CCDC192: variants seen among roughly 807,000 people sequenced by gnomAD.
The protein encoded by CCDC192 is coiled-coil domain-containing protein 192.
intron 5 of CCDC192, among the ~76,000 whole-genome samples, chr5:127,827,123 G>A (rs755046937): frequency 1.3e-5 from 2 of 152,172 alleles, no homozygotes; most frequent in African/African-American, 4.8e-5. Flanking sequence ...CAAATGTGGT[G>A]GAAGTGAGAC....
intron 6 of CCDC192, among the ~76,000 whole-genome samples, chr5:127,923,749 T>C (rs1330637910): frequency 6.6e-6 from 1 of 152,138 alleles, no homozygotes; most frequent in African/African-American, 2.4e-5. Flanking sequence ...AGGAATATGA[T>C]GGACATACAT....
chr5:127,865,141 C>T (rs1349734091), intron 5 of CCDC192, among the ~76,000 whole-genome samples: 2 of 151,704 alleles, frequency 1.3e-5, no homozygotes, highest in African/African-American at 2.4e-5. Context: ...AGCGAGATGC[C>T]GACTCAAATT....
chr5:127,884,367 A>AAAAAAAAAAAAAAAG (rs1752480698), intron 6 of CCDC192, among the ~76,000 whole-genome samples: 1 of 147,150 alleles, frequency 6.8e-6, no homozygotes, highest in Non-Finnish European at 1.5e-5. Flanking sequence ...AAAAAAAAAA[A>AAAAAAAAAAAAAAAG]AAGAAGAGGG....
intron 6 of CCDC192, among the ~76,000 whole-genome samples, chr5:127,884,616 G>A (rs1752495846): frequency 6.6e-6 from 1 of 152,054 alleles, no homozygotes; most frequent in South Asian, 2.1e-4. Context: ...CTGCGGCCAA[G>A]GCAATGGGAT....
chr5:127,782,516 G>C lies in CCDC192; in HGVS notation c.223-14587G>C, dbSNP rs185864949. ...GCTGCTTGTTATTGGTCTGTTTAGG[G>C]TATCTAATTCTTCCTGATTTAAGCT... On this transcript the variant is annotated intron_variant, in intron 3 of 6. Coordinates refer to ENST00000514853, the MANE Select transcript of CCDC192 (RefSeq NM_001317938.2). 2.1e-4 allele frequency among the ~76,000 whole-genome samples: 32 copies of C among 151,980 alleles called. No individual in the cohort carries two copies. The East Asian group carries it at 2.1e-3, about 10-fold the overall frequency.
At chr5:127,822,424 A>G (rs757318961) in intron 5 of CCDC192, among the ~76,000 whole-genome samples, 4 of 152,246 alleles carry the variant, frequency 2.6e-5, no homozygotes, top group Non-Finnish European at 4.4e-5. Flanking sequence ...AAAATAGACT[A>G]AATCTCTATC....
intron 6 of CCDC192, among the ~76,000 whole-genome samples, chr5:127,902,586 A>G (rs1251311026): frequency 1.3e-5 from 2 of 152,214 alleles, no homozygotes; most frequent in African/African-American, 4.8e-5. Context: ...TTTGGCAGTG[A>G]AAGTCAAGAG....
intron 2 of CCDC192, among the ~76,000 whole-genome samples, chr5:127,717,801 T>G (rs1240506585): frequency 1.3e-5 from 2 of 151,572 alleles, no homozygotes; most frequent in Admixed American, 1.3e-4. Context: ...TCTGCACTCC[T>G]TCATCAGCCA....
At chr5:127,918,193 G>A (rs1056153271) in intron 6 of CCDC192, among the ~76,000 whole-genome samples, 2 of 140,552 alleles carry the variant, frequency 1.4e-5, no homozygotes, top group Non-Finnish European at 3.0e-5. Flanking sequence ...CCCAATGCAG[G>A]GTTGCCAGAC....
At chr5:127,737,555 G>T (rs1358289152) in intron 2 of CCDC192, among the ~76,000 whole-genome samples, 1 of 151,464 alleles carries the variant, frequency 6.6e-6, no homozygotes, top group Non-Finnish European at 1.5e-5. Context: ...TTATTAATGT[G>T]TGGGAGTCTA....
intron 6 of CCDC192, among the ~76,000 whole-genome samples, chr5:127,909,943 G>A (rs571915800): frequency 3.9e-5 from 6 of 152,076 alleles, no homozygotes; most frequent in Non-Finnish European, 7.3e-5. Flanking sequence ...TCAAATTTCC[G>A]TATTTTCAAA....
intron 2 of CCDC192, among the ~76,000 whole-genome samples, chr5:127,731,338 A>G (rs886069221): frequency 1.3e-4 from 20 of 152,208 alleles, no homozygotes; most frequent in African/African-American, 4.8e-4. Context: ...AAGAAGAACT[A>G]CAAACTACTG....
chr5:127,808,673 G>A (rs1757925012), intron 5 of CCDC192, among the ~76,000 whole-genome samples: 2 of 152,142 alleles, frequency 1.3e-5, no homozygotes, highest in South Asian at 4.2e-4. Flanking sequence ...TCAACAACTG[G>A]CACTCATCTC....
At chr5:127,882,953 A>G (rs770469462) in intron 6 of CCDC192, among the ~76,000 whole-genome samples, 22 of 152,194 alleles carry the variant, frequency 1.4e-4, no homozygotes, top group Admixed American at 2.6e-4. Context: ...TTCTTTCACC[A>G]CTGAAAACAG....
Position 127,879,078 on chromosome 5 carries a change from G to A in CCDC192, c.535+3417G>A, listed in dbSNP as rs543907591. Among the ~76,000 whole-genome samples the A allele has an allele frequency of 1.3e-4, 20 of 151,854 alleles. No homozygotes were observed. The South Asian group carries it at 4.2e-3, about 32-fold the overall frequency. ...TTTTGTATCCTGAGACTTTGCTGAA[G>A]TTGCTTATCAGCTTAAGGAGATTTT... On this transcript the variant is annotated intron_variant, in intron 6 of 6. Transcript: ENST00000514853.
chr5:127,704,793 C>T (rs1198919078), intron 1 of CCDC192, among the ~76,000 whole-genome samples: 4 of 151,590 alleles, frequency 2.6e-5, no homozygotes, highest in Non-Finnish European at 5.9e-5. Context: ...AAGCCTAGAT[C>T]GCGACACTGC....
At chr5:127,922,599 G>GGT (rs1753752062) in intron 6 of CCDC192, among the ~76,000 whole-genome samples, 1 of 152,178 alleles carries the variant, frequency 6.6e-6, no homozygotes, top group African/African-American at 2.4e-5. Flanking sequence ...AAGTTAGCCT[G>GGT]GTGTGGTGGC....
At chr5:127,707,857 G>A in intron 2 of CCDC192, 97 bp downstream of exon 2, 1 of 383,868 alleles carries the variant, frequency 2.6e-6, no homozygotes, top group Non-Finnish European at 4.6e-6. Context: ...TCTTGATATT[G>A]TTTAGTTTTC....
chr5:127,826,765 T>C (rs1470775290), intron 5 of CCDC192, among the ~76,000 whole-genome samples: 1 of 151,338 alleles, frequency 6.6e-6, no homozygotes, highest in Non-Finnish European at 1.5e-5. Context: ...CCTGCACATG[T>C]ACCCCCTCAA....
Sources: allele counts gnomAD v4.1 joint callset (sites outside exome capture counted in the v4.1 genomes callset), GRCh38; gene constraint gnomAD v4.1.1; transcripts MANE v1.5; gene names NCBI Gene and HGNC (gene_info 2026-07-23, HGNC 2026-07-21).